The following ADAMTSL3 variants were observed in gnomAD, a reference collection of about 807,000 sequenced individuals.
ADAMTSL3 encodes ADAMTS-like protein 3.
ADAMTSL3 carries 128 observed loss-of-function variants against 201.7 expected under a neutral mutation model. The ratio of observed to expected loss-of-function variants is 0.63; its 90% CI spans 0.55 to 0.73. The LOEUF (loss-of-function observed/expected upper bound fraction) is 0.73. Ranked by LOEUF, ADAMTSL3 falls within the 30% of genes least tolerant of loss-of-function variation. The pLI, the probability that ADAMTSL3 is intolerant of heterozygous loss-of-function variation, is 0.00. For synonymous variants in ADAMTSL3, 738 were observed against 748.4 expected, an observed-to-expected ratio of 0.99 and a Z score of 0.23; for missense variants, 1,990 against 2,119.6, an observed-to-expected ratio of 0.94 and a Z score of 1.20.
intron 7 of ADAMTSL3, among the ~76,000 whole-genome samples, chr15:83,842,493 C>G (rs939425097): frequency 6.6e-6 from 1 of 152,116 alleles, no homozygotes; most frequent in Non-Finnish European, 1.5e-5. Context: ...CTGCTGGGCA[C>G]GGAAGAAGCA....
chr15:83,805,556 C>CAAAA (rs779366103), intron 5 of ADAMTSL3, among the ~76,000 whole-genome samples: 1 of 124,118 alleles, frequency 8.1e-6, no homozygotes. Context: ...GACTCTGTCT[C>CAAAA]AAAAAAAAAA....
intron 16 of ADAMTSL3, among the ~76,000 whole-genome samples, chr15:83,915,727 A>C: frequency 6.6e-6 from 1 of 152,174 alleles, no homozygotes; most frequent in East Asian, 1.9e-4. Flanking sequence ...TGGACGTTGC[A>C]TGTAATGGGA....
intron 6 of ADAMTSL3, among the ~76,000 whole-genome samples, chr15:83,826,319 C>T (rs2064020882): frequency 6.6e-6 from 1 of 151,940 alleles, no homozygotes; most frequent in African/African-American, 2.4e-5. Context: ...GATCAGGTCT[C>T]ACTATGTTGC....
At chr15:83,885,338 C>A (rs1596356230) in intron 10 of ADAMTSL3, 126 bp downstream of exon 10, 1 of 725,252 alleles carries the variant, frequency 1.4e-6, no homozygotes. Context: ...CAGCACCTTA[C>A]TCAGCAGCCT....
chr15:83,928,817 A>T (rs2066295731), intron 17 of ADAMTSL3, among the ~76,000 whole-genome samples: 1 of 152,228 alleles, frequency 6.6e-6, no homozygotes, highest in Admixed American at 6.5e-5. Flanking sequence ...AGACTAAATC[A>T]AACATTTTCC....
intron 23 of ADAMTSL3, among the ~76,000 whole-genome samples, chr15:83,992,050 G>A (rs1050745421): frequency 6.6e-6 from 1 of 152,176 alleles, no homozygotes; most frequent in African/African-American, 2.4e-5. Context: ...CTTTGCGTAT[G>A]CCTTTGATTT....
At chr15:83,694,920 C>T (rs1230943681) in intron 2 of ADAMTSL3, among the ~76,000 whole-genome samples, 3 of 152,154 alleles carry the variant, frequency 2.0e-5, no homozygotes, top group Non-Finnish European at 2.9e-5. Flanking sequence ...TAGGTTTTCT[C>T]CTTTTGGGGA....
At chr15:83,917,487 G>A (rs1478450136) in intron 16 of ADAMTSL3, among the ~76,000 whole-genome samples, 1 of 152,108 alleles carries the variant, frequency 6.6e-6, no homozygotes, top group Admixed American at 6.6e-5. Flanking sequence ...TCATGCAGCA[G>A]TATCTGTGTG....
intron 9 of ADAMTSL3, among the ~76,000 whole-genome samples, chr15:83,884,042 G>A (rs2065337335): frequency 6.6e-6 from 1 of 151,894 alleles, no homozygotes; most frequent in Non-Finnish European, 1.5e-5. Flanking sequence ...ACAGGCACAT[G>A]CCACCACACC....
At chr15:83,825,174 G>T (rs1185434878) in intron 6 of ADAMTSL3, among the ~76,000 whole-genome samples, 1 of 152,060 alleles carries the variant, frequency 6.6e-6, no homozygotes, top group Non-Finnish European at 1.5e-5. Context: ...ACCGTCTATT[G>T]TTCCCCATTA....
chr15:84,020,170 A>AAC (rs1291201731), intron 25 of ADAMTSL3, among the ~76,000 whole-genome samples: 1 of 152,160 alleles, frequency 6.6e-6, no homozygotes, highest in Non-Finnish European at 1.5e-5. Context: ...CAATTAAAAA[A>AAC]ACACACACAT....
intron 3 of ADAMTSL3, among the ~76,000 whole-genome samples, chr15:83,713,649 G>C (rs1042316284): frequency 6.6e-6 from 1 of 152,202 alleles, no homozygotes; most frequent in African/African-American, 2.4e-5. Flanking sequence ...TTGCTGGCCA[G>C]CAAAGAAGGG....
chr15:83,828,433 C>T lies in ADAMTSL3; in HGVS notation c.600+8386C>T, dbSNP rs146333554. Among the ~76,000 whole-genome samples, 1,410 of 152,268 alleles carry T rather than the reference C, an allele frequency of 9.3e-3. 6 individuals are homozygous for T. The highest frequency in any genetic ancestry group is 0.031 in the Middle Eastern group (9 of 292). On this transcript the variant is annotated intron_variant, in intron 6 of 29. Transcript: ENST00000286744. The stretch of plus-strand genomic sequence containing the variant: ...AGCTTAAGGAGATTTTGGGCTGAGA[C>T]GATGGGGTTTTCTAAATATACAATC...
At chr15:83,920,252 C>T (rs1721175788) in intron 16 of ADAMTSL3, among the ~76,000 whole-genome samples, 2 of 152,172 alleles carry the variant, frequency 1.3e-5, no homozygotes, top group South Asian at 2.1e-4. Flanking sequence ...TAGCAACTGC[C>T]GTTTTGTTTT....
At chr15:83,785,175 T>A (rs1456381360) in intron 4 of ADAMTSL3, among the ~76,000 whole-genome samples, 1 of 152,176 alleles carries the variant, frequency 6.6e-6, no homozygotes, top group Non-Finnish European at 1.5e-5. Context: ...ATTCAGTAGA[T>A]CTGGAATGAG....
At chr15:83,820,943 G>A (rs1431418676) in intron 6 of ADAMTSL3, among the ~76,000 whole-genome samples, 1 of 152,074 alleles carries the variant, frequency 6.6e-6, no homozygotes, top group African/African-American at 2.4e-5. Context: ...GTGTGATGGT[G>A]TGTGCCTGTA....
At chr15:83,816,648 G>A (rs1303562272) in intron 5 of ADAMTSL3, among the ~76,000 whole-genome samples, 1 of 152,204 alleles carries the variant, frequency 6.6e-6, no homozygotes, top group Non-Finnish European at 1.5e-5. Flanking sequence ...AGGAGGTGAT[G>A]TAATTTTGTA....
In ADAMTSL3 at chr15:83,773,654, A is replaced by G. The variant is rs2063023707; in HGVS notation, c.317+4A>G. ...TGCGGAGATGTTTGACTGGAAGGTT[A>G]GTGGTGGCTTCACTTGCTCCTGCAT... On this transcript the variant is annotated splice_donor_region_variant and intron_variant, in intron 4 of 29. Transcript: ENST00000286744. The G allele has an allele frequency of 6.2e-7, 1 of 1,606,218 alleles. No homozygotes were observed. The highest frequency in any genetic ancestry group is 2.2e-5 in the East Asian group (1 of 44,832).
chr15:83,952,453 T>A, intron 19 of ADAMTSL3, among the ~76,000 whole-genome samples: 1 of 152,130 alleles, frequency 6.6e-6, no homozygotes, highest in South Asian at 2.1e-4. Context: ...ATGTTCTGTA[T>A]CTATTGCCCT....
Sources: allele counts gnomAD v4.1 joint callset (sites outside exome capture counted in the v4.1 genomes callset), GRCh38; gene constraint gnomAD v4.1.1; transcripts MANE v1.5; gene names NCBI Gene and HGNC (gene_info 2026-07-23, HGNC 2026-07-21).